The following PTH1R variants were observed in gnomAD, a reference collection of about 807,000 sequenced individuals.
The protein encoded by PTH1R is parathyroid hormone/parathyroid hormone-related peptide receptor.
PTH1R carries 32 observed loss-of-function variants against 70.7 expected under a neutral mutation model. The ratio of observed to expected loss-of-function variants is 0.45; its 90% CI spans 0.34 to 0.61. The LOEUF (loss-of-function observed/expected upper bound fraction) is 0.61, where lower values mean the gene tolerates loss of function less well. Ranked by LOEUF, PTH1R falls within the 20% of genes least tolerant of loss-of-function variation. The probability of loss-of-function intolerance (pLI) is 0.01; values close to 1 mark genes in which losing one functional copy is unlikely to be tolerated. For missense variants in PTH1R, 626 were observed against 792.5 expected (o/e 0.79, Z 2.52); for synonymous variants, 329 against 324.8 (o/e 1.01, Z -0.14).
chr3:46,878,668 C>T (rs1362535694), intron 1 of PTH1R, among the ~76,000 whole-genome samples: 2 of 152,152 alleles, frequency 1.3e-5, no homozygotes, highest in Admixed American at 1.3e-4. Flanking sequence ...AGCTGAGCCT[C>T]TTGCCTTGCT....
At chr3:46,894,283 C>T (rs1388387408) in intron 4 of PTH1R, among the ~76,000 whole-genome samples, 1 of 152,116 alleles carries the variant, frequency 6.6e-6, no homozygotes, top group African/African-American at 2.4e-5. Context: ...TTAATCTCAT[C>T]AACTGAAGAG....
chr3:46,898,650 C>T lies in PTH1R; in HGVS notation c.639-12C>T. Reference sequence around the variant, plus strand: ...CGTGCCCCCACCCACGGTCATGTCGCGCGCCCCGCAGGCGGCTGCACTGCA... The same window carrying T: ...CGTGCCCCCACCCACGGTCATGTCGTGCGCCCCGCAGGCGGCTGCACTGCA... On this transcript the variant is annotated splice_polypyrimidine_tract_variant and intron_variant, in intron 8 of 15. Coordinates refer to ENST00000449590, the MANE Select transcript of PTH1R (RefSeq NM_000316.3). The T allele has an allele frequency of 6.2e-7, 1 of 1,611,246 alleles. No individual in the cohort carries two copies. The highest frequency in any genetic ancestry group is 1.1e-5 in the South Asian group (1 of 91,070).
In PTH1R at chr3:46,879,325, C is replaced by G. The variant is rs2030415547; in HGVS notation, c.-106+1482C>G. On this transcript the variant is annotated intron_variant, in intron 1 of 15. Coordinates refer to ENST00000449590, the MANE Select transcript of PTH1R (RefSeq NM_000316.3). The surrounding 1 kb of genome is among the most constrained non-coding windows in gnomAD (Gnocchi z 4.7). ...CAGATCTGAAAAGAACTCCTCCCCT[C>G]AGCCTCTAGTTTTATCTCTCAGTCC... Among the ~76,000 whole-genome samples the G allele has an allele frequency of 6.6e-6, 1 of 152,252 alleles. No individual in the cohort carries two copies. Among genetic ancestry groups the G allele is most frequent in the Non-Finnish European group, 1.5e-5 (1 of 68,046 alleles).
Position 46,902,517 on chromosome 3 carries a change from C to G in PTH1R, c.1212-9C>G, listed in dbSNP as rs780806020. 1.2e-6 allele frequency: 2 copies of G among 1,609,914 alleles called. No individual in the cohort carries two copies. The highest frequency in any genetic ancestry group is 1.7e-6 in the Non-Finnish European group (2 of 1,178,952). The stretch of plus-strand genomic sequence containing the variant: ...GCTTGGCCCTGACCTACCTGCCCCG[C>G]TGGCCCAGGAAGCTGCTCAAATCCA... On this transcript the variant is annotated splice_polypyrimidine_tract_variant and intron_variant, in intron 13 of 15. Coordinates refer to ENST00000449590, the MANE Select transcript of PTH1R (RefSeq NM_000316.3). This position sits in a 1 kb window ranked among gnomAD's most constrained non-coding sequence, Gnocchi z 5.4.
chr3:46,896,255 A>G lies in PTH1R; in HGVS notation c.313+386A>G, dbSNP rs1226981651. On this transcript the variant is annotated intron_variant, in intron 5 of 15. Transcript: ENST00000449590. The surrounding 1 kb of genome is among the most constrained non-coding windows in gnomAD (Gnocchi z 4.1). Reference sequence around the variant, plus strand: ...CATGGAGACAGAGATCAACAGAGGCAGGGAGAGACAGTCACAGAGATAGAG... The same window carrying G: ...CATGGAGACAGAGATCAACAGAGGCGGGGAGAGACAGTCACAGAGATAGAG... 6.6e-6 allele frequency among the ~76,000 whole-genome samples: 1 copy of G among 152,130 alleles called. No individual in the cohort carries two copies. The highest frequency in any genetic ancestry group is 1.9e-4 in the East Asian group (1 of 5,186).
At chr3:46,888,027 A>G (rs1320898687) in intron 3 of PTH1R, among the ~76,000 whole-genome samples, 1 of 152,216 alleles carries the variant, frequency 6.6e-6, no homozygotes, top group African/African-American at 2.4e-5. Flanking sequence ...GCATGGCCAA[A>G]TTGCCCTCTA....
At chr3:46,900,435 G>T (rs372729941) in intron 10 of PTH1R, among the ~76,000 whole-genome samples, 2 of 152,266 alleles carry the variant, frequency 1.3e-5, no homozygotes. Flanking sequence ...GGTGGTATGT[G>T]GTCGGGGAGG....
chr3:46,903,369 A>G lies in PTH1R; in HGVS notation c.1495A>G (p.Met499Val). 6.2e-7 allele frequency: 1 copy of G among 1,613,698 alleles called. No homozygotes were observed. The highest frequency in any genetic ancestry group is 1.1e-5 in the South Asian group (1 of 91,092). The change falls in exon 16 of 16, where the codon ATG (methionine) becomes GTG (valine). Residue 499 changes from methionine (M) to valine (V), a missense_variant. Coordinates refer to ENST00000449590, the MANE Select transcript of PTH1R (RefSeq NM_000316.3). This position sits in a 1 kb window ranked among gnomAD's most constrained non-coding sequence, Gnocchi z 4.4. Reference sequence around the variant, plus strand: ...GAGCAGCAGCTATAGCTACGGCCCCATGGTGTCCCACACAAGTGTGACCAA... The same window carrying G: ...GAGCAGCAGCTATAGCTACGGCCCCGTGGTGTCCCACACAAGTGTGACCAA... ...SGSSSYSYGP[M>V]VSHTSVTNVG...
Position 46,892,781 on chromosome 3 carries a change from T to G in PTH1R, c.76-1126T>G. On this transcript the variant is annotated intron_variant, in intron 3 of 15. Coordinates refer to ENST00000449590, the MANE Select transcript of PTH1R (RefSeq NM_000316.3). The surrounding 1 kb of genome is among the most constrained non-coding windows in gnomAD (Gnocchi z 5.2). ...CCTTGGCGCGTCTGAAGGATGCAGCTCTGCCGCGGAGCTGAGGAGACGTAG... is the reference window on the plus strand; with the variant it reads ...CCTTGGCGCGTCTGAAGGATGCAGCGCTGCCGCGGAGCTGAGGAGACGTAG... 2.0e-6 allele frequency: 2 copies of G among 985,744 alleles called. No individual in the cohort carries two copies. The highest frequency in any genetic ancestry group is 2.4e-6 in the Non-Finnish European group (2 of 830,192). The allele number at this position is 985,744 out of a possible 1,614,324, so 61.1% of individuals were successfully genotyped here.
Position 46,902,784 on chromosome 3 carries a change from T to C in PTH1R, c.1389T>C (p.Asn463=), listed in dbSNP as rs1138518. 1,001,149 of 1,613,412 alleles carry C rather than the reference T, an allele frequency of 0.62. 313,152 individuals carry two copies. The highest frequency in any genetic ancestry group is 0.81 in the African/African-American group (60,499 of 74,928). Residue 463 remains asparagine, a synonymous_variant, in exon 15 of 16, where the codon AAT becomes AAC. Coordinates refer to ENST00000449590, the MANE Select transcript of PTH1R (RefSeq NM_000316.3). The surrounding 1 kb of genome is among the most constrained non-coding windows in gnomAD (Gnocchi z 5.4). ...TCGCAATCATATACTGTTTCTGCAA[T>C]GGCGAGGTAAGCAGGAGACAGTGTT... ...FFVAIIYCFC[N]GEVQAEIKKS...
intron 2 of PTH1R, among the ~76,000 whole-genome samples, chr3:46,881,794 A>T (rs901833895): frequency 3.3e-5 from 5 of 151,608 alleles, no homozygotes; most frequent in Admixed American, 2.6e-4. Context: ...CTCCCCAGGG[A>T]CCCCGACCCG....
rs771034289 is a variant in PTH1R, at chr3:46,887,456, GAA to G, written c.75+3842_75+3843del. On this transcript the variant is annotated intron_variant, in intron 3 of 15. Transcript: ENST00000449590. ...GGTGACAGAGTGAGCCCCTGTCTCT[GAA>G]AAAAAAAAAAAAAAAAAAAGAGAGA... 2.3e-3 allele frequency among the ~76,000 whole-genome samples: 147 copies of G among 63,934 alleles called. 1 individual carries two copies. The highest frequency in any genetic ancestry group is 9.6e-3 in the Middle Eastern group (1 of 104). The allele number at this position is 63,934 out of a possible 152,430, so 41.9% of individuals were successfully genotyped here.
At chr3:46,880,067 G>A (rs767600452) in intron 1 of PTH1R, among the ~76,000 whole-genome samples, 8 of 152,190 alleles carry the variant, frequency 5.3e-5, no homozygotes, top group Non-Finnish European at 4.4e-5. Flanking sequence ...ATAAAGCTGA[G>A]ACCATTAAAA....
Position 46,902,462 on chromosome 3 carries a change from G to A in PTH1R, c.1212-64G>A, listed in dbSNP as rs1212219624. ...GGAGCCTGGGGCTCGCAGGGTGGGG[G>A]GTGGCACAATGCTTGTTGAAGGGGA... On this transcript the variant is annotated intron_variant, in intron 13 of 15. Transcript: ENST00000449590. The surrounding 1 kb of genome is among the most constrained non-coding windows in gnomAD (Gnocchi z 5.4). The A allele has an allele frequency of 1.9e-6, 3 of 1,590,234 alleles. No homozygotes were observed. Among genetic ancestry groups the A allele is most frequent in the Non-Finnish European group, 2.6e-6 (3 of 1,168,810 alleles).
chr3:46,894,134 C>T, intron 4 of PTH1R, 125 bp downstream of exon 4: 1 of 985,390 alleles, frequency 1.0e-6, no homozygotes, highest in Non-Finnish European at 1.5e-6. Flanking sequence ...TAAAGGGGGC[C>T]AGGCCAAAGT....
In PTH1R at chr3:46,893,578, C is replaced by T. The variant is rs2031558939; in HGVS notation, c.76-329C>T. ...GATCCTGTGTGGATCCATCCTGGGA[C>T]ATTCCATTCCAGTCCCATGTACCCC... On this transcript the variant is annotated intron_variant, in intron 3 of 15. Transcript: ENST00000449590. This position sits in a 1 kb window ranked among gnomAD's most constrained non-coding sequence, Gnocchi z 5.2. Among the ~76,000 whole-genome samples, 1 of 152,204 alleles carries T rather than the reference C, an allele frequency of 6.6e-6. No individual in the cohort carries two copies. Among genetic ancestry groups the T allele is most frequent in the African/African-American group, 2.4e-5 (1 of 41,438 alleles).
chr3:46,903,514 C>G lies in PTH1R; in HGVS notation c.1640C>G (p.Thr547Ser). Residue 547 changes from threonine to serine, a missense_variant, in exon 16 of 16, where the codon ACC becomes AGC. Coordinates refer to ENST00000449590, the MANE Select transcript of PTH1R (RefSeq NM_000316.3). The surrounding 1 kb of genome is among the most constrained non-coding windows in gnomAD (Gnocchi z 4.4). ...HAKPGTPALE[T>S]LETTPPAMAA... Reference sequence around the variant, plus strand: ...AAGCCAGGGACCCCAGCCCTGGAGACCCTCGAGACCACACCACCTGCCATG... The same window carrying G: ...AAGCCAGGGACCCCAGCCCTGGAGAGCCTCGAGACCACACCACCTGCCATG... 1 of 1,613,962 alleles carries G rather than the reference C, an allele frequency of 6.2e-7. No individual in the cohort carries two copies. The highest frequency in any genetic ancestry group is 8.5e-7 in the Non-Finnish European group (1 of 1,180,024).
chr3:46,897,905 G>A lies in PTH1R; in HGVS notation c.364G>A (p.Ala122Thr), dbSNP rs200197785. The change falls in exon 6 of 16, where the codon GCA becomes ACA. Residue 122 changes from alanine (A) to threonine (T), a missense_variant. This residue lies in a region of PTH1R where 495 missense variants were observed against 638.7 expected (regional missense o/e 0.77). Coordinates refer to ENST00000449590, the MANE Select transcript of PTH1R (RefSeq NM_000316.3). ...WDHILCWPLG[A>T]PGEVVAVPCP... Reference sequence around the variant, plus strand: ...CCACATCCTGTGCTGGCCGCTGGGGGCACCAGGTGAGGTGGTGGCTGTGCC... The same window carrying A: ...CCACATCCTGTGCTGGCCGCTGGGGACACCAGGTGAGGTGGTGGCTGTGCC... 24 of 1,613,898 alleles carry A rather than the reference G, an allele frequency of 1.5e-5. No homozygotes were observed. The highest frequency in any genetic ancestry group is 3.4e-4 in the Middle Eastern group (2 of 5,952).
In PTH1R at chr3:46,891,155, C is replaced by G. The variant is rs1440874443; in HGVS notation, c.76-2752C>G. ...TCAGGGAGGCCAGAGGTGGGGCCAC[C>G]ACCCCTATGGATGAATGAAGGAGTG... On this transcript the variant is annotated intron_variant, in intron 3 of 15. Transcript: ENST00000449590. This position sits in a 1 kb window ranked among gnomAD's most constrained non-coding sequence, Gnocchi z 4.3. Among the ~76,000 whole-genome samples, 1 of 152,238 alleles carries G rather than the reference C, an allele frequency of 6.6e-6. No homozygotes were observed.
Sources: gnomAD v4.1 joint callset for allele counts (sites outside exome capture counted in the v4.1 genomes callset) on GRCh38, gnomAD v4.1.1 for gene constraint, gnomAD v4.1.1 regional missense constraint, Gnocchi (gnomAD v3.1) non-coding constraint, MANE v1.5 for transcripts, NCBI Gene and HGNC (gene_info 2026-07-23, HGNC 2026-07-21) for gene names.